The following ANAPC4 variants were observed in gnomAD, a reference collection of about 807,000 sequenced individuals.
ANAPC4 encodes anaphase-promoting complex subunit 4.
Under a neutral mutation model 119.8 loss-of-function variants are expected in ANAPC4, and 63 were observed. The observed-to-expected ratio is 0.53, with a 90% CI of 0.43 to 0.65. ANAPC4 has a LOEUF of 0.65. Among genes scored for constraint, ANAPC4 ranks in the 30% least tolerant of loss-of-function variants. ANAPC4 has a pLI of 0.00. For synonymous variants in ANAPC4, 283 were observed against 318.6 expected (o/e 0.89, Z 1.19); for missense variants, 716 against 945.1 (o/e 0.76, Z 3.18).
Position 25,405,506 on chromosome 4 carries a change from G to A in ANAPC4, c.1271-67G>A. On this transcript the variant is annotated intron_variant, in intron 17 of 28. Transcript: ENST00000315368. The surrounding 1 kb of genome is among the most constrained non-coding windows in gnomAD (Gnocchi z 4.6). ...CAGTCAAACACCTTGTCTTTGAAAT[G>A]TATTTATAATTAAAATTATGTTTGT... The A allele has an allele frequency of 7.2e-7, 1 of 1,394,306 alleles. No homozygotes were observed. The allele number at this position is 1,394,306 out of a possible 1,614,324, so 86.4% of individuals were successfully genotyped here.
intron 28 of ANAPC4, 59 bp downstream of exon 28, chr4:25,417,798 T>C: frequency 6.4e-7 from 1 of 1,552,942 alleles, no homozygotes; most frequent in African/African-American, 1.4e-5. Flanking sequence ...GTTGCTTCTT[T>C]GGAACCTTCA....
At chr4:25,400,550 C>G (rs1437588068) in intron 16 of ANAPC4, among the ~76,000 whole-genome samples, 1 of 152,058 alleles carries the variant, frequency 6.6e-6, no homozygotes, top group Admixed American at 6.6e-5. Context: ...AGCAGGAGAT[C>G]GAGTGCACTA....
At chr4:25,407,341 A>G in intron 20 of ANAPC4, 88 bp downstream of exon 20, 1 of 967,898 alleles carries the variant, frequency 1.0e-6, no homozygotes, top group Non-Finnish European at 1.5e-6. Flanking sequence ...ACCAAGTAAT[A>G]CAGGATCTCT....
rs182392306 is a variant in ANAPC4, at chr4:25,388,697, T to C, written c.444-20T>C. 17 of 1,599,064 alleles carry C rather than the reference T, an allele frequency of 1.1e-5. No homozygotes were observed. The Admixed American group carries it at 2.9e-4, about 27-fold the overall frequency. ...TTTTTACTAAGAGTATTTTTTACCT[T>C]AATCTCTGTTTCCTTCTAGCTATAG... is the stretch of plus-strand genomic sequence containing the variant. On this transcript the variant is annotated intron_variant, in intron 5 of 28. Coordinates refer to ENST00000315368, the MANE Select transcript of ANAPC4 (RefSeq NM_013367.3).
chr4:25,413,615 A>T, intron 21 of ANAPC4, 30 bp from the exon 22 acceptor site: 1 of 1,544,508 alleles, frequency 6.5e-7, no homozygotes, highest in African/African-American at 1.4e-5. Context: ...AGCTTCTTTT[A>T]TTTTTGTTTC....
intron 10 of ANAPC4, among the ~76,000 whole-genome samples, chr4:25,393,456 G>A (rs1560435531): frequency 6.6e-6 from 1 of 152,100 alleles, no homozygotes; most frequent in Non-Finnish European, 1.5e-5. Flanking sequence ...GAGGCTTGGA[G>A]TTCGAGACCA....
chr4:25,401,504 C>A (rs558980856), intron 16 of ANAPC4, among the ~76,000 whole-genome samples: 1 of 152,138 alleles, frequency 6.6e-6, no homozygotes, highest in Admixed American at 6.5e-5. Flanking sequence ...AGTTTGTCCC[C>A]CTGTGTCCAG....
Position 25,414,694 on chromosome 4 carries a change from T to C in ANAPC4, c.1820T>C (p.Ile607Thr), listed in dbSNP as rs370276115. 3.7e-5 allele frequency: 56 copies of C among 1,519,972 alleles called. No individual in the cohort carries two copies. Among genetic ancestry groups the C allele is most frequent in the Non-Finnish European group, 4.7e-5 (53 of 1,125,526 alleles). 94.2% of individuals were successfully genotyped at this position (1,519,972 alleles called of 1,614,324 possible). ...TGCATCTTAAGGAGACATACTGATA[T>C]TTCTCAGTAAGTATTAATCTGAAGT... ...KMCILRRHTD[I>T]SQSVSNGLIA... Residue 607 changes from isoleucine (I) to threonine (T), a missense_variant, in exon 25 of 29, where the codon ATT (isoleucine) becomes ACT (threonine). By Grantham distance (89) the Ile-to-Thr change is moderately conservative. This residue lies in a region of ANAPC4 where 504 missense variants were observed against 615.8 expected (regional missense o/e 0.82). Coordinates refer to ENST00000315368, the MANE Select transcript of ANAPC4 (RefSeq NM_013367.3).
intron 1 of ANAPC4, 33 bp downstream of exon 1, chr4:25,377,377 C>G (rs376527836): frequency 3.7e-6 from 6 of 1,604,506 alleles, no homozygotes; most frequent in African/African-American, 1.3e-5. Context: ...TCGTGGAGAG[C>G]CGGGGGCTCC....
At chr4:25,404,372 C>CT (rs143197655) in intron 17 of ANAPC4, among the ~76,000 whole-genome samples, 12 of 151,018 alleles carry the variant, frequency 7.9e-5, no homozygotes, top group Non-Finnish European at 5.9e-5. Context: ...CCTTAGAAGA[C>CT]TTTTTTTTTG....
chr4:25,417,846 T>A, intron 28 of ANAPC4, 107 bp downstream of exon 28: 1 of 1,408,352 alleles, frequency 7.1e-7, no homozygotes, highest in Non-Finnish European at 9.6e-7. Flanking sequence ...TGTGCAAATA[T>A]TTTTACTGTG....
chr4:25,409,658 A>G, intron 20 of ANAPC4, 40 bp from the exon 21 acceptor site: 1 of 1,436,528 alleles, frequency 7.0e-7, no homozygotes, highest in Non-Finnish European at 9.6e-7. Flanking sequence ...TTTCCCTTCC[A>G]GGTATGAATA....
chr4:25,400,538 C>A (rs1467622698), intron 16 of ANAPC4, among the ~76,000 whole-genome samples: 1 of 152,066 alleles, frequency 6.6e-6, no homozygotes, highest in African/African-American at 2.4e-5. Context: ...GCTGTCTAGT[C>A]CAGCAGGAGA....
intron 16 of ANAPC4, among the ~76,000 whole-genome samples, chr4:25,399,365 T>C (rs1040033362): frequency 1.7e-4 from 26 of 152,346 alleles, no homozygotes; most frequent in African/African-American, 5.8e-4. Flanking sequence ...CTCTTTAATT[T>C]TGAGCAGTTT....
At chr4:25,402,325 T>G (rs1723022483) in intron 16 of ANAPC4, among the ~76,000 whole-genome samples, 1 of 152,206 alleles carries the variant, frequency 6.6e-6, no homozygotes, top group South Asian at 2.1e-4. Flanking sequence ...ATCGTATACA[T>G]GTGAGCTTAA....
At position 25,414,318 on chromosome 4, in the gene ANAPC4, A is replaced by T. The variant is rs1164019718; in HGVS notation, c.1624-6A>T. The T allele has an allele frequency of 2.0e-6, 3 of 1,529,048 alleles. 1 individual carries two copies. The highest frequency in any genetic ancestry group is 3.5e-5 in the Admixed American group (2 of 57,864). The allele number at this position is 1,529,048 out of a possible 1,614,324, so 94.7% of individuals were successfully genotyped here. A position where few individuals can be genotyped will look rare whatever the true frequency, so the allele number is the denominator to read the frequency against. ...TAATTATATTTTAAAATCTTATTTT[A>T]TATAGGATGTAATTGGAAAATCGAT... On this transcript the variant is annotated splice_polypyrimidine_tract_variant and splice_region_variant and intron_variant, in intron 22 of 28. Coordinates refer to ENST00000315368, the MANE Select transcript of ANAPC4 (RefSeq NM_013367.3).
intron 22 of ANAPC4, chr4:25,414,019 A>G (rs868236142): frequency 1.1e-5 from 5 of 473,796 alleles, no homozygotes; most frequent in Admixed American, 7.8e-5. Flanking sequence ...TTCATTGTAA[A>G]CAGTCTTAGT....
Position 25,417,732 on chromosome 4 carries a change from C to T in ANAPC4, c.2192C>T (p.Ser731Phe), listed in dbSNP as rs1723963645. The T allele has an allele frequency of 6.2e-7, 1 of 1,610,644 alleles. No homozygotes were observed. Among genetic ancestry groups the T allele is most frequent in the Non-Finnish European group, 8.5e-7 (1 of 1,178,810 alleles). The part of the protein sequence containing the change: ...YVAGNGFRKV[S>F]CVLSSNLRHV... ...GCTGGGAATGGTTTTCGAAAAGTGT[C>T]CTGTGTGGTAAGTGTTTAGAGATCG... The change falls in exon 28 of 29, where the codon TCC (serine) becomes TTC (phenylalanine). Residue 731 changes from serine to phenylalanine, a missense_variant. Ser to Phe is a radical substitution (Grantham distance 155). Around this residue, in one of 3 missense-constraint regions of ANAPC4, gnomAD observed 504 missense variants for 615.8 expected, o/e 0.82. Transcript: ENST00000315368.
chr4:25,418,243 A>G lies in ANAPC4; in HGVS notation c.2288A>G (p.Glu763Gly), dbSNP rs748109493. The G allele has an allele frequency of 1.9e-6, 3 of 1,613,996 alleles. No homozygotes were observed. The highest frequency in any genetic ancestry group is 1.7e-6 in the Non-Finnish European group (2 of 1,179,988). Reference sequence around the variant, plus strand: ...GATGAGTCTTCAGATGAAGAGGAGGAGGCCAGTAATAAGCCTGTAAAAATA... The same window carrying G: ...GATGAGTCTTCAGATGAAGAGGAGGGGGCCAGTAATAAGCCTGTAAAAATA... ...ELDESSDEEEEASNKPVKIKE... is the reference protein window; with the variant it reads ...ELDESSDEEEGASNKPVKIKE... The change falls in exon 29 of 29, where the codon GAG (glutamate) becomes GGG (glycine). Residue 763 changes from glutamate (E) to glycine (G), a missense_variant. Transcript: ENST00000315368.
Sources: gnomAD v4.1 joint callset for allele counts (sites outside exome capture counted in the v4.1 genomes callset) on GRCh38, gnomAD v4.1.1 for gene constraint, gnomAD v4.1.1 regional missense constraint, Gnocchi (gnomAD v3.1) non-coding constraint, MANE v1.5 for transcripts, NCBI Gene and HGNC (gene_info 2026-07-23, HGNC 2026-07-21) for gene names.